The following CLVS1 variants were observed in gnomAD, a reference collection of about 807,000 sequenced individuals.
CLVS1 encodes clavesin 1, also known as clavesin-1.
CLVS1 carries 10 observed loss-of-function variants against 33.1 expected under a neutral mutation model. The ratio of observed to expected loss-of-function variants is 0.30; its 90% CI spans 0.19 to 0.51. The LOEUF is 0.51. CLVS1 is among the 20% of genes least tolerant of loss of function. CLVS1 has a pLI of 0.97. For synonymous variants in CLVS1, 163 were observed against 166.1 expected (o/e 0.98, Z 0.14); for missense variants, 343 against 433.4 (o/e 0.79, Z 1.85).
chr8:61,056,678 G>A (rs1298207313), upstream of CLVS1, among the ~76,000 whole-genome samples: 1 of 152,138 alleles, frequency 6.6e-6, no homozygotes, highest in East Asian at 1.9e-4. Flanking sequence ...CAAATCTCAA[G>A]CCCACCACAT....
In CLVS1 at chr8:61,160,400, A is replaced by G. The variant is rs1158566812; in HGVS notation, c.-152+28540A>G. 2.0e-5 allele frequency among the ~76,000 whole-genome samples: 3 copies of G among 152,234 alleles called. No individual in the cohort carries two copies. In the South Asian group the frequency reaches 6.2e-4, roughly 31 times the overall value. ...ATTTAGTAAACAAAACAAAACAAGCATCCTCCCGAAACAAAAACAATTCTA... is the reference window on the plus strand; with the variant it reads ...ATTTAGTAAACAAAACAAAACAAGCGTCCTCCCGAAACAAAAACAATTCTA... On this transcript the variant is annotated intron_variant, in intron 2 of 2. Transcript: ENST00000522621.
At chr8:61,458,631 C>A (rs137947857) in intron 5 of CLVS1, 89 bp downstream of exon 5, 2 of 819,202 alleles carry the variant, frequency 2.4e-6, no homozygotes, top group East Asian at 2.7e-5. Flanking sequence ...AATTAAAGAC[C>A]TTTATGGGCA....
At chr8:61,172,941 T>G (rs1161816227) in intron 2 of CLVS1, among the ~76,000 whole-genome samples, 5 of 152,198 alleles carry the variant, frequency 3.3e-5, no homozygotes, top group Non-Finnish European at 7.4e-5. Flanking sequence ...CTTCTCATAT[T>G]CCACTGGCTA....
chr8:61,012,569 C>T, the CLVS1 span, among the ~76,000 whole-genome samples: 5 of 152,136 alleles, frequency 3.3e-5, no homozygotes, highest in Non-Finnish European at 5.9e-5. Flanking sequence ...TGACATGTAG[C>T]CCTCAGAGGC....
chr8:61,068,432 G>C (rs1804726902), intron 1 of CLVS1, among the ~76,000 whole-genome samples: 1 of 151,870 alleles, frequency 6.6e-6, no homozygotes, highest in African/African-American at 2.4e-5. Context: ...CTGGCACTGT[G>C]CTGGGTGCGT....
At position 61,454,213 on chromosome 8, in the gene CLVS1, C is replaced by G; in HGVS notation, c.703C>G (p.Leu235Val). 1 of 1,614,074 alleles carries G rather than the reference C, an allele frequency of 6.2e-7. No individual in the cohort carries two copies. The highest frequency in any genetic ancestry group is 8.5e-7 in the Non-Finnish European group (1 of 1,179,928). The change falls in exon 4 of 6, where the codon CTC becomes GTC. Residue 235 changes from leucine to valine, a missense_variant. Physicochemically the swap from Leu to Val is conservative, Grantham distance 32 (BLOSUM62 1). Coordinates refer to ENST00000325897, the MANE Select transcript of CLVS1 (RefSeq NM_173519.3). Reference sequence around the variant, plus strand: ...CTGGTACATTCATGCCCTCTACACACTCATCAAGCCATTTCTTAAAGACAA... The same window carrying G: ...CTGGTACATTCATGCCCTCTACACAGTCATCAAGCCATTTCTTAAAGACAA... ...QPWYIHALYT[L>V]IKPFLKDKTR...
chr8:61,155,427 C>T (rs75486632), intron 2 of CLVS1, among the ~76,000 whole-genome samples: 14 of 152,312 alleles, frequency 9.2e-5, no homozygotes, highest in Non-Finnish European at 1.9e-4. Context: ...ATGAAGGTAA[C>T]ACCAGGAATC....
chr8:61,286,574 G>A (rs2129593479), upstream of CLVS1, among the ~76,000 whole-genome samples: 1 of 152,302 alleles, frequency 6.6e-6, no homozygotes, highest in South Asian at 2.1e-4. Flanking sequence ...GTAAGTGCTT[G>A]GGAAGCAGTA....
chr8:61,090,991 C>A (rs539840984), intron 1 of CLVS1: 273 of 490,526 alleles, frequency 5.6e-4, no homozygotes, highest in South Asian at 3.7e-3. Flanking sequence ...GACCCATGCC[C>A]CCCCACCAAT....
the CLVS1 span, among the ~76,000 whole-genome samples, chr8:61,035,528 G>A: frequency 6.6e-6 from 1 of 152,142 alleles, no homozygotes; most frequent in African/African-American, 2.4e-5. Flanking sequence ...CGTCTGACGT[G>A]TCTCACCGTT....
chr8:61,284,882 C>T (rs1406299132), upstream of CLVS1, among the ~76,000 whole-genome samples: 2 of 152,006 alleles, frequency 1.3e-5, no homozygotes, highest in African/African-American at 4.8e-5. Flanking sequence ...ATGATCTGGC[C>T]TTACTACTTA....
At chr8:61,409,577 A>G (rs1815137085) in intron 3 of CLVS1, among the ~76,000 whole-genome samples, 1 of 152,174 alleles carries the variant, frequency 6.6e-6, no homozygotes, top group African/African-American at 2.4e-5. Context: ...GTCTAATTCC[A>G]CCCTTTTGCT....
intron 2 of CLVS1, among the ~76,000 whole-genome samples, chr8:61,151,371 G>A (rs138061119): frequency 0.018 from 2,691 of 152,114 alleles, 33 homozygotes; most frequent in African/African-American, 0.027. Context: ...GTTAATATTC[G>A]CAATAACCCT....
chr8:61,282,442 A>T (rs1390632346), intron 2 of CLVS1, among the ~76,000 whole-genome samples: 1 of 152,216 alleles, frequency 6.6e-6, no homozygotes, highest in Non-Finnish European at 1.5e-5. Context: ...TAGTTCTCCA[A>T]GAGGCCTGAT....
chr8:61,173,929 G>A (rs1206743038), intron 2 of CLVS1, among the ~76,000 whole-genome samples: 1 of 152,148 alleles, frequency 6.6e-6, no homozygotes, highest in Non-Finnish European at 1.5e-5. Flanking sequence ...GGTTATTTTT[G>A]CCAGTTAAAC....
chr8:61,139,155 G>C (rs187332877), intron 2 of CLVS1, among the ~76,000 whole-genome samples: 1 of 152,178 alleles, frequency 6.6e-6, no homozygotes, highest in Non-Finnish European at 1.5e-5. Context: ...CAAAACGCAC[G>C]CGGGCAGTGA....
intron 3 of CLVS1, among the ~76,000 whole-genome samples, chr8:61,410,124 A>G (rs1487535143): frequency 1.2e-5 from 1 of 83,576 alleles, no homozygotes; most frequent in Non-Finnish European, 2.4e-5. Context: ...TTGTTGTAGT[A>G]TTTATCAGTC....
chr8:61,219,133 T>C (rs1430622952), intron 2 of CLVS1, among the ~76,000 whole-genome samples: 1 of 152,210 alleles, frequency 6.6e-6, no homozygotes, highest in Non-Finnish European at 1.5e-5. Context: ...ATTTATTTTT[T>C]ATTTTTTTAG....
At chr8:61,229,772 A>G (rs1316508562) in intron 2 of CLVS1, among the ~76,000 whole-genome samples, 1 of 152,198 alleles carries the variant, frequency 6.6e-6, no homozygotes, top group Non-Finnish European at 1.5e-5. Context: ...CTGGGATTAC[A>G]GGTGTCTGCC....
Sources: gnomAD v4.1 joint callset for allele counts (sites outside exome capture counted in the v4.1 genomes callset) on GRCh38, gnomAD v4.1.1 for gene constraint, MANE v1.5 for transcripts, NCBI Gene and HGNC (gene_info 2026-07-23, HGNC 2026-07-21) for gene names.